UBAP2: variants seen among roughly 807,000 people sequenced by gnomAD.
UBAP2 encodes the protein ubiquitin-associated protein 2.
A neutral mutation model predicts 139.6 loss-of-function variants in UBAP2; 75 were observed. The ratio of observed to expected loss-of-function variants is 0.54; its 90% CI spans 0.45 to 0.65. The LOEUF is 0.65. UBAP2 is among the 30% of genes least tolerant of loss of function. The pLI is 0.00. For synonymous variants in UBAP2, 526 were observed against 526.2 expected (o/e 1.00, Z 0.01); for missense variants, 1,368 against 1,369.6 (o/e 1.00, Z 0.02).
At chr9:33,963,270 C>G (rs1168001119) in intron 9 of UBAP2, among the ~76,000 whole-genome samples, 1 of 152,186 alleles carries the variant, frequency 6.6e-6, no homozygotes, top group Non-Finnish European at 1.5e-5. Context: ...TAGCCATACC[C>G]ACACAGACTA....
chr9:33,928,325 G>A (rs969228843), intron 19 of UBAP2: 21 of 275,096 alleles, frequency 7.6e-5, no homozygotes, highest in Middle Eastern at 1.1e-3. Context: ...AGATAACTTC[G>A]GATCATAAAT....
chr9:33,932,051 T>C (rs1028277584), intron 19 of UBAP2, among the ~76,000 whole-genome samples: 1 of 152,074 alleles, frequency 6.6e-6, no homozygotes, highest in Non-Finnish European at 1.5e-5. Context: ...TGCTCACGGC[T>C]CCACGACCCA....
intron 1 of UBAP2, among the ~76,000 whole-genome samples, chr9:34,031,883 T>C (rs779753519): frequency 1.3e-5 from 2 of 151,956 alleles, no homozygotes; most frequent in African/African-American, 4.8e-5. Flanking sequence ...ATGCCCGTAA[T>C]CTCAACACCT....
intron 16 of UBAP2, chr9:33,938,795 C>CAAAAAA: frequency 3.2e-6 from 1 of 309,060 alleles, no homozygotes; most frequent in Non-Finnish European, 6.0e-6. Flanking sequence ...GACTCCATCT[C>CAAAAAA]AAAAAAAAAA....
intron 4 of UBAP2, 144 bp downstream of exon 4, chr9:33,996,079 G>C (rs557867792): frequency 3.3e-6 from 2 of 598,492 alleles, no homozygotes; most frequent in Non-Finnish European, 5.8e-6. Flanking sequence ...GTCTTTTCAG[G>C]TAATCGTTCT....
intron 8 of UBAP2, among the ~76,000 whole-genome samples, chr9:33,964,460 T>A (rs1827299237): frequency 6.6e-6 from 1 of 152,104 alleles, no homozygotes; most frequent in Non-Finnish European, 1.5e-5. Context: ...ATTGACTAAT[T>A]CAACATTCTG....
intron 2 of UBAP2, among the ~76,000 whole-genome samples, chr9:34,004,491 G>GA (rs891526445): frequency 1.1e-4 from 17 of 148,658 alleles, no homozygotes; most frequent in African/African-American, 1.5e-4. Context: ...ACAAAAAAAG[G>GA]AAAAAAAAAG....
At chr9:33,949,695 C>T (rs1177848147) in intron 12 of UBAP2, among the ~76,000 whole-genome samples, 11 of 149,012 alleles carry the variant, frequency 7.4e-5, no homozygotes, top group Non-Finnish European at 3.0e-5. Flanking sequence ...AGAGCTTAGA[C>T]TCGTCTCTCA....
intron 3 of UBAP2, 35 bp from the exon 4 acceptor site, chr9:33,996,368 CAA>C (rs1316944263): frequency 7.0e-7 from 1 of 1,437,832 alleles, no homozygotes; most frequent in African/African-American, 1.4e-5. Flanking sequence ...TAGAGGCAAA[CAA>C]AAAACTGGCA....
At chr9:34,047,435 G>C (rs1564080725) in intron 1 of UBAP2, among the ~76,000 whole-genome samples, 1 of 151,956 alleles carries the variant, frequency 6.6e-6, no homozygotes, top group Admixed American at 6.6e-5. Flanking sequence ...TGAGGTAAAA[G>C]GGGAACACAC....
chr9:33,922,762 T>C lies in UBAP2; in HGVS notation c.3189A>G (p.Pro1063=), dbSNP rs768662520. ...GGTGGGCTGGCAAGATGTGTAGGAA[T>C]GGTGGGGGTGCATAGCCAGGGGCCG... is the stretch of plus-strand genomic sequence containing the variant. ...SGAAPGYAPP[P]FLHILPAHQQ... Residue 1063 remains proline (P), a synonymous_variant, in exon 28 of 29, where the codon CCA becomes CCG. Transcript: ENST00000379238. The C allele has an allele frequency of 1.3e-6, 2 of 1,559,206 alleles. No homozygotes were observed. Among genetic ancestry groups the C allele is most frequent in the South Asian group, 1.2e-5 (1 of 81,320 alleles).
In UBAP2 at chr9:33,941,518, C is replaced by T. The variant is rs150361628; in HGVS notation, c.1929+131G>A. On this transcript the variant is annotated intron_variant, in intron 16 of 28. Transcript: ENST00000379238. The stretch of plus-strand genomic sequence containing the variant: ...GCCCACTATAAACAAACTCAATGAA[C>T]TATAAGGATTCTACTCAAAAGGTTA... 71 of 780,332 alleles carry T rather than the reference C, an allele frequency of 9.1e-5. 1 individual carries two copies. The African/African-American group carries it at 1.1e-3, about 12-fold the overall frequency. The allele number at this position is 780,332 out of a possible 1,614,324, so 48.3% of individuals were successfully genotyped here.
chr9:33,968,754 A>C (rs1222960748), intron 8 of UBAP2, among the ~76,000 whole-genome samples: 3 of 152,192 alleles, frequency 2.0e-5, no homozygotes, highest in African/African-American at 7.2e-5. Context: ...GTATATTCAC[A>C]ATTTGTGCAA....
chr9:33,999,907 T>TA (rs56853849), intron 2 of UBAP2, among the ~76,000 whole-genome samples: 2 of 77,732 alleles, frequency 2.6e-5, no homozygotes, highest in African/African-American at 1.1e-4. Context: ...TGTATGTATG[T>TA]TATTTTGAGA....
At chr9:33,963,567 C>T (rs1827231902) in intron 9 of UBAP2, among the ~76,000 whole-genome samples, 159 bp downstream of exon 9, 1 of 152,056 alleles carries the variant, frequency 6.6e-6, no homozygotes, top group Non-Finnish European at 1.5e-5. Flanking sequence ...AAAACATTTC[C>T]ATTAGCAAAC....
chr9:34,021,108 A>T (rs1052178204), intron 1 of UBAP2, among the ~76,000 whole-genome samples: 2 of 152,220 alleles, frequency 1.3e-5, no homozygotes, highest in Non-Finnish European at 2.9e-5. Flanking sequence ...TCATAAAATA[A>T]AATAGAGGAG....
At chr9:33,970,115 G>C (rs1827804924) in intron 8 of UBAP2, among the ~76,000 whole-genome samples, 2 of 147,578 alleles carry the variant, frequency 1.4e-5, no homozygotes, top group Non-Finnish European at 3.0e-5. Flanking sequence ...TTTTTTTTTT[G>C]CAGAGACGGA....
At chr9:33,979,567 T>C (rs758819408) in intron 6 of UBAP2, among the ~76,000 whole-genome samples, 2 of 148,004 alleles carry the variant, frequency 1.4e-5, no homozygotes, top group Non-Finnish European at 3.0e-5. Flanking sequence ...AAGAGAGAAA[T>C]TCCCGTCTCA....
At chr9:34,006,251 AAAG>A (rs1364958163) in intron 2 of UBAP2, among the ~76,000 whole-genome samples, 55 of 152,036 alleles carry the variant, frequency 3.6e-4, no homozygotes, top group South Asian at 1.0e-3. Context: ...AAAAAAAAAA[AAAG>A]AAGAAGAACT....
Sources: gnomAD v4.1 joint callset for allele counts (sites outside exome capture counted in the v4.1 genomes callset) on GRCh38, gnomAD v4.1.1 for gene constraint, MANE v1.5 for transcripts, NCBI Gene and HGNC (gene_info 2026-07-23, HGNC 2026-07-21) for gene names.